Variants in PPP2R5E observed in about 807,000 individuals in gnomAD.
PPP2R5E encodes serine/threonine-protein phosphatase 2A 56 kDa regulatory subunit epsilon isoform.
A neutral mutation model predicts 65.3 loss-of-function variants in PPP2R5E; 4 were observed. The observed-to-expected ratio is 0.06, with a 90% CI of 0.03 to 0.14. The LOEUF (loss-of-function observed/expected upper bound fraction) is 0.14. PPP2R5E is among the 10% of genes least tolerant of loss of function. PPP2R5E has a pLI of 1.00. For missense variants in PPP2R5E, 274 were observed against 556.1 expected (o/e 0.49, Z 5.10); for synonymous variants, 183 against 187.4 (o/e 0.98, Z 0.19).
At chr14:63,478,688 C>T (rs1288591050) in intron 2 of PPP2R5E, among the ~76,000 whole-genome samples, 2 of 152,066 alleles carry the variant, frequency 1.3e-5, no homozygotes, top group East Asian at 3.9e-4. Flanking sequence ...CTTTGGGGAT[C>T]CCCAAAGCAT....
chr14:63,501,898 A>T (rs371021553), intron 2 of PPP2R5E, among the ~76,000 whole-genome samples: 3 of 151,954 alleles, frequency 2.0e-5, no homozygotes, highest in African/African-American at 7.2e-5. Flanking sequence ...AGTTTTGTTA[A>T]TTTTTTATTT....
intron 13 of PPP2R5E, 50 bp from the exon 14 acceptor site, chr14:63,376,158 A>G: frequency 7.9e-7 from 1 of 1,264,246 alleles, no homozygotes; most frequent in Non-Finnish European, 1.1e-6. Flanking sequence ...TAATGAGATT[A>G]TGCAACAATG....
intron 3 of PPP2R5E, among the ~76,000 whole-genome samples, chr14:63,448,254 G>C (rs1027638876): frequency 2.6e-5 from 4 of 151,940 alleles, no homozygotes; most frequent in Non-Finnish European, 4.4e-5. Flanking sequence ...CCGAGACAGA[G>C]CCACTGCACT....
intron 2 of PPP2R5E, among the ~76,000 whole-genome samples, chr14:63,518,388 T>C (rs530707217): frequency 6.6e-6 from 1 of 151,622 alleles, no homozygotes; most frequent in Non-Finnish European, 1.5e-5. Flanking sequence ...ACTACAGGTA[T>C]ACATCACCAT....
intron 11 of PPP2R5E, among the ~76,000 whole-genome samples, chr14:63,388,230 T>C (rs1487885927): frequency 6.6e-6 from 1 of 152,064 alleles, no homozygotes; most frequent in Non-Finnish European, 1.5e-5. Flanking sequence ...AATCTCTGCC[T>C]TCCAGTTTCA....
At chr14:63,470,784 G>T (rs1213882502) in intron 2 of PPP2R5E, among the ~76,000 whole-genome samples, 3 of 146,874 alleles carry the variant, frequency 2.0e-5, no homozygotes, top group Non-Finnish European at 4.5e-5. Flanking sequence ...AACACTTTTG[G>T]AGGTTGAGGT....
At chr14:63,455,162 A>G (rs1278183455) in intron 2 of PPP2R5E, among the ~76,000 whole-genome samples, 1 of 152,038 alleles carries the variant, frequency 6.6e-6, no homozygotes, top group East Asian at 1.9e-4. Context: ...CACCCCCCTT[A>G]CAGCCACCAG....
At chr14:63,380,763 T>C (rs1036462712) in intron 13 of PPP2R5E, among the ~76,000 whole-genome samples, 4 of 152,186 alleles carry the variant, frequency 2.6e-5, no homozygotes, top group Non-Finnish European at 5.9e-5. Context: ...CCCAGCCTCT[T>C]CTGAGATTCT....
chr14:63,421,756 C>T (rs187458398), intron 4 of PPP2R5E, among the ~76,000 whole-genome samples: 2 of 152,328 alleles, frequency 1.3e-5, no homozygotes, highest in East Asian at 3.9e-4. Flanking sequence ...GAAATAAGAA[C>T]TGCTGGCTGT....
chr14:63,424,183 G>A (rs1887200359), intron 3 of PPP2R5E, among the ~76,000 whole-genome samples: 1 of 152,166 alleles, frequency 6.6e-6, no homozygotes, highest in South Asian at 2.1e-4. Context: ...AACTAATTAA[G>A]GACAAGACAT....
At chr14:63,486,739 C>T (rs1246247325) in intron 2 of PPP2R5E, among the ~76,000 whole-genome samples, 2 of 152,106 alleles carry the variant, frequency 1.3e-5, no homozygotes, top group African/African-American at 4.8e-5. Context: ...CAGCTAATCC[C>T]ATGTCTAACC....
At chr14:63,439,125 T>C (rs1484735585) in intron 3 of PPP2R5E, among the ~76,000 whole-genome samples, 2 of 152,158 alleles carry the variant, frequency 1.3e-5, no homozygotes, top group Non-Finnish European at 2.9e-5. Flanking sequence ...CAGAAAAATG[T>C]ATTAACCAAT....
intron 3 of PPP2R5E, among the ~76,000 whole-genome samples, chr14:63,428,364 A>G (rs574823054): frequency 1.3e-5 from 2 of 152,242 alleles, no homozygotes; most frequent in Non-Finnish European, 2.9e-5. Context: ...TGACTTTCAG[A>G]TAAACGACAA....
At chr14:63,380,262 T>C (rs771709276) in intron 13 of PPP2R5E, among the ~76,000 whole-genome samples, 1 of 152,216 alleles carries the variant, frequency 6.6e-6, no homozygotes, top group Non-Finnish European at 1.5e-5. Flanking sequence ...TATTAAAATG[T>C]ACCCTTGGCC....
chr14:63,470,579 C>T (rs1056609612), intron 2 of PPP2R5E, among the ~76,000 whole-genome samples: 1 of 151,636 alleles, frequency 6.6e-6, no homozygotes, highest in Non-Finnish European at 1.5e-5. Context: ...AAAAATACTT[C>T]ATAGTGACAA....
intron 5 of PPP2R5E, among the ~76,000 whole-genome samples, chr14:63,411,784 C>T (rs1199971756): frequency 1.3e-5 from 2 of 152,030 alleles, no homozygotes; most frequent in Middle Eastern, 3.4e-3. Flanking sequence ...CTGAGGCCCT[C>T]ACCAGAAGCA....
In PPP2R5E at chr14:63,514,504, A is replaced by C. The variant is rs141281244; in HGVS notation, c.157+25025T>G. On this transcript the variant is annotated intron_variant, in intron 2 of 13. Transcript: ENST00000337537. ...TTACACAAAAACTCTCTTCATTAAAAAAAAAAGAGAGAGAGAGACTCTCTA... is the reference window on the plus strand; with the variant it reads ...TTACACAAAAACTCTCTTCATTAAACAAAAAAGAGAGAGAGAGACTCTCTA... Among the ~76,000 whole-genome samples, 1,387 of 152,154 alleles carry C rather than the reference A, an allele frequency of 9.1e-3. 9 individuals are homozygous for C. Among genetic ancestry groups the C allele is most frequent in the Non-Finnish European group, 0.015 (1,035 of 67,982 alleles).
At chr14:63,510,587 G>C (rs1892409446) in intron 2 of PPP2R5E, among the ~76,000 whole-genome samples, 1 of 152,208 alleles carries the variant, frequency 6.6e-6, no homozygotes, top group Admixed American at 6.5e-5. Flanking sequence ...GTAAAGAAAG[G>C]AGACACGCTG....
At chr14:63,413,164 G>A (rs1013351718) in intron 5 of PPP2R5E, among the ~76,000 whole-genome samples, 7 of 152,102 alleles carry the variant, frequency 4.6e-5, no homozygotes, top group African/African-American at 7.2e-5. Flanking sequence ...TGATGTTTTC[G>A]TATTATAAGT....
Sources: allele counts gnomAD v4.1 joint callset (sites outside exome capture counted in the v4.1 genomes callset), GRCh38; gene constraint gnomAD v4.1.1; transcripts MANE v1.5; gene names NCBI Gene and HGNC (gene_info 2026-07-23, HGNC 2026-07-21).